TMCC1: variants seen among roughly 807,000 people sequenced by gnomAD.
TMCC1 encodes transmembrane and coiled-coil domain family 1, also known as transmembrane and coiled-coil domains protein 1.
TMCC1 carries 15 observed loss-of-function variants against 52.4 expected under a neutral mutation model. The ratio of observed to expected loss-of-function variants is 0.29; its 90% CI spans 0.19 to 0.44. The LOEUF is 0.44. Among genes scored for constraint, TMCC1 ranks in the 20% least tolerant of loss-of-function variants. The pLI is 1.00. For synonymous variants in TMCC1, 279 were observed against 301.9 expected (o/e 0.92, Z 0.79); for missense variants, 503 against 806.0 (o/e 0.62, Z 4.55).
intron 2 of TMCC1, among the ~76,000 whole-genome samples, chr3:129,857,655 G>A (rs776865079): frequency 9.9e-5 from 15 of 151,796 alleles, no homozygotes; most frequent in South Asian, 2.1e-4. Flanking sequence ...TCCGCCTCCC[G>A]GGTTCACACC....
chr3:129,730,282 A>G (rs1174514911), intron 4 of TMCC1, among the ~76,000 whole-genome samples: 2 of 152,126 alleles, frequency 1.3e-5, no homozygotes, highest in East Asian at 1.9e-4. Context: ...GTGTTGTTCT[A>G]AAAGTTTCAT....
intron 4 of TMCC1, among the ~76,000 whole-genome samples, chr3:129,759,710 CTTTTTTTTTTTTTTTT>C (rs61519484): frequency 1.9e-4 from 7 of 37,196 alleles, no homozygotes; most frequent in South Asian, 1.5e-3. Context: ...GCCAGCCAAA[CTTTTTTTTTTTTTTTT>C]TTTTTTTTTT....
chr3:129,693,101 A>G (rs1421266886), intron 4 of TMCC1, among the ~76,000 whole-genome samples: 1 of 152,186 alleles, frequency 6.6e-6, no homozygotes. Flanking sequence ...GCCTTGTAAA[A>G]TATACTACTG....
intron 2 of TMCC1, among the ~76,000 whole-genome samples, chr3:129,841,492 G>C (rs567554701): frequency 6.6e-6 from 1 of 152,264 alleles, no homozygotes; most frequent in East Asian, 1.9e-4. Context: ...GCTGAGGCAG[G>C]AGAATCACTT....
At chr3:129,753,934 T>C (rs1041044429) in intron 4 of TMCC1, among the ~76,000 whole-genome samples, 4 of 146,274 alleles carry the variant, frequency 2.7e-5, no homozygotes, top group African/African-American at 1.0e-4. Flanking sequence ...GTCTAGAAAA[T>C]GCTAAGAATC....
At chr3:129,778,081 C>A (rs894253393) in intron 4 of TMCC1, among the ~76,000 whole-genome samples, 2 of 152,166 alleles carry the variant, frequency 1.3e-5, no homozygotes, top group African/African-American at 2.4e-5. Context: ...CTCTTTTGTT[C>A]TTCTCTAACA....
At chr3:129,766,251 G>A (rs1185495975) in intron 4 of TMCC1, among the ~76,000 whole-genome samples, 1 of 152,152 alleles carries the variant, frequency 6.6e-6, no homozygotes, top group Non-Finnish European at 1.5e-5. Context: ...CCTGAGAGAA[G>A]ACTGACACAA....
intron 4 of TMCC1, among the ~76,000 whole-genome samples, chr3:129,722,304 G>T (rs767925064): frequency 9.2e-5 from 14 of 152,154 alleles, no homozygotes; most frequent in Non-Finnish European, 7.3e-5. Context: ...GCTTGCGAGG[G>T]ATCTAGGTTG....
At chr3:129,666,117 C>T (rs2087430877) in intron 5 of TMCC1, among the ~76,000 whole-genome samples, 1 of 152,186 alleles carries the variant, frequency 6.6e-6, no homozygotes, top group Non-Finnish European at 1.5e-5. Context: ...CATCCACAGC[C>T]TACTTTCTTC....
chr3:129,709,965 T>G (rs181176627), intron 4 of TMCC1, among the ~76,000 whole-genome samples: 11 of 152,092 alleles, frequency 7.2e-5, no homozygotes, highest in African/African-American at 2.7e-4. Context: ...GGCAGGCAGA[T>G]CACAAGGTCA....
At position 129,681,615 on chromosome 3, in the gene TMCC1, G is replaced by A. The variant is rs142482282; in HGVS notation, c.577-10351C>T. 6.4e-3 allele frequency among the ~76,000 whole-genome samples: 975 copies of A among 152,024 alleles called. 13 individuals carry two copies. Among genetic ancestry groups the A allele is most frequent in the Non-Finnish European group, 9.2e-3 (624 of 67,966 alleles). Reference sequence around the variant, plus strand: ...ACTAGAACACAGTGCCAATAGAAATGAGGAAGAGGAGACCAGGTGCAGTGG... The same window carrying A: ...ACTAGAACACAGTGCCAATAGAAATAAGGAAGAGGAGACCAGGTGCAGTGG... On this transcript the variant is annotated intron_variant, in intron 4 of 6. Coordinates refer to ENST00000393238, the MANE Select transcript of TMCC1 (RefSeq NM_001017395.5).
intron 4 of TMCC1, among the ~76,000 whole-genome samples, chr3:129,774,017 T>G (rs2054823166): frequency 6.6e-6 from 1 of 152,220 alleles, no homozygotes; most frequent in Non-Finnish European, 1.5e-5. Flanking sequence ...ATTAACTGTT[T>G]TCAGTTGTCA....
intron 2 of TMCC1, chr3:129,867,078 T>A (rs747290607): frequency 6.6e-6 from 1 of 151,840 alleles, no homozygotes. Flanking sequence ...ACGAGTCTCA[T>A]CCTTGTCCAA....
At chr3:129,788,428 A>G (rs2056196342) in intron 4 of TMCC1, among the ~76,000 whole-genome samples, 1 of 152,052 alleles carries the variant, frequency 6.6e-6, no homozygotes, top group Non-Finnish European at 1.5e-5. Flanking sequence ...CACTACATCA[A>G]CAATACATGA....
intron 2 of TMCC1, among the ~76,000 whole-genome samples, chr3:129,876,801 A>G (rs2061237940): frequency 6.6e-6 from 1 of 151,968 alleles, no homozygotes; most frequent in South Asian, 2.1e-4. Flanking sequence ...AAAAATACAA[A>G]AAAAAATTAG....
intron 2 of TMCC1, among the ~76,000 whole-genome samples, chr3:129,844,541 A>G (rs2107879195): frequency 6.6e-6 from 1 of 152,312 alleles, no homozygotes; most frequent in East Asian, 1.9e-4. Context: ...GGAACGTACA[A>G]ATTAAATCCA....
intron 4 of TMCC1, among the ~76,000 whole-genome samples, chr3:129,723,912 A>ATT (rs5852573): frequency 0.041 from 5,795 of 141,424 alleles, 351 homozygotes; most frequent in African/African-American, 0.14. Context: ...TCAGGATGAG[A>ATT]TTTTTTTTTT....
intron 2 of TMCC1, among the ~76,000 whole-genome samples, chr3:129,837,246 C>G (rs1038337460): frequency 6.6e-6 from 1 of 152,002 alleles, no homozygotes; most frequent in African/African-American, 2.4e-5. Flanking sequence ...GAGGCTTAAC[C>G]AGAACATCAC....
chr3:129,716,096 C>T (rs1052998241), intron 4 of TMCC1, among the ~76,000 whole-genome samples: 2 of 151,780 alleles, frequency 1.3e-5, no homozygotes, highest in African/African-American at 4.8e-5. Flanking sequence ...CTATTTACAA[C>T]AAAAAGGACA....
Sources: gnomAD v4.1 joint callset for allele counts (sites outside exome capture counted in the v4.1 genomes callset) on GRCh38, gnomAD v4.1.1 for gene constraint, MANE v1.5 for transcripts, NCBI Gene and HGNC (gene_info 2026-07-23, HGNC 2026-07-21) for gene names.